The following PTPRT variants were observed in gnomAD, a reference collection of about 807,000 sequenced individuals.
PTPRT encodes the protein receptor-type tyrosine-protein phosphatase T.
In PTPRT, 56 loss-of-function variants were observed where a neutral mutation model predicts 176.8. That is an observed-to-expected ratio of 0.32 (90% CI 0.26 to 0.40). PTPRT has a LOEUF of 0.40. Among genes scored for constraint, PTPRT ranks in the 10% least tolerant of loss-of-function variants. The probability of loss-of-function intolerance (pLI) is 1.00; values close to 1 mark genes in which losing one functional copy is unlikely to be tolerated. For missense variants in PTPRT, 1,540 were observed against 1,908.2 expected, an observed-to-expected ratio of 0.81 and a Z score of 3.60; for synonymous variants, 783 against 739.0, an observed-to-expected ratio of 1.06 and a Z score of -0.96.
chr20:42,603,625 C>T (rs1357009985), intron 7 of PTPRT, among the ~76,000 whole-genome samples: 1 of 152,144 alleles, frequency 6.6e-6, no homozygotes, highest in African/African-American at 2.4e-5. Context: ...AAGTAGGGAA[C>T]TGGCATGATG....
chr20:43,152,817 A>G (rs139480296), intron 1 of PTPRT, among the ~76,000 whole-genome samples: 1 of 152,320 alleles, frequency 6.6e-6, no homozygotes, highest in Non-Finnish European at 1.5e-5. Flanking sequence ...TTAATTACAT[A>G]CTATATATCA....
At chr20:42,150,487 C>T (rs1445075993) in intron 17 of PTPRT, among the ~76,000 whole-genome samples, 1 of 152,208 alleles carries the variant, frequency 6.6e-6, no homozygotes, top group Non-Finnish European at 1.5e-5. Flanking sequence ...CTCCACACCC[C>T]TGTCCAACAC....
At chr20:42,052,954 A>G in the PTPRT span, among the ~76,000 whole-genome samples, 1 of 152,174 alleles carries the variant, frequency 6.6e-6, no homozygotes, top group Non-Finnish European at 1.5e-5. Context: ...GATAGTAAGT[A>G]TTTTAGGCTT....
At chr20:42,572,185 G>A (rs563714252) in intron 7 of PTPRT, among the ~76,000 whole-genome samples, 3 of 152,204 alleles carry the variant, frequency 2.0e-5, no homozygotes, top group Non-Finnish European at 2.9e-5. Context: ...CACTAATCCC[G>A]TTCATGGGGG....
At chr20:42,900,445 T>C (rs2079383541) in intron 1 of PTPRT, among the ~76,000 whole-genome samples, 1 of 152,160 alleles carries the variant, frequency 6.6e-6, no homozygotes, top group Non-Finnish European at 1.5e-5. Context: ...AGTCCTGTCA[T>C]CTCTCTACCC....
chr20:42,277,816 T>A (rs941979348), intron 13 of PTPRT, among the ~76,000 whole-genome samples: 1 of 151,442 alleles, frequency 6.6e-6, no homozygotes, highest in Non-Finnish European at 1.5e-5. Flanking sequence ...AAGAGAACAA[T>A]CCTGACATGT....
intron 15 of PTPRT, among the ~76,000 whole-genome samples, chr20:42,221,819 A>G (rs1229273840): frequency 6.6e-6 from 1 of 152,060 alleles, no homozygotes. Flanking sequence ...ACACCTGGCC[A>G]AAACTGCGAC....
intron 9 of PTPRT, among the ~76,000 whole-genome samples, chr20:42,445,847 A>C (rs1462734694): frequency 6.6e-6 from 1 of 152,140 alleles, no homozygotes; most frequent in Non-Finnish European, 1.5e-5. Flanking sequence ...ACCTGCTCTA[A>C]TCTGTACCCA....
At chr20:42,050,937 T>C in the PTPRT span, among the ~76,000 whole-genome samples, 2 of 152,210 alleles carry the variant, frequency 1.3e-5, no homozygotes, top group Admixed American at 1.3e-4. Flanking sequence ...GCCCTCCCTA[T>C]TGAGAAACAT....
At chr20:42,196,498 T>C (rs1991222799) in intron 16 of PTPRT, among the ~76,000 whole-genome samples, 1 of 152,248 alleles carries the variant, frequency 6.6e-6, no homozygotes, top group African/African-American at 2.4e-5. Context: ...GCTTTAGCTA[T>C]TTGAAAATAT....
chr20:42,882,416 T>C (rs1464714106), intron 2 of PTPRT, among the ~76,000 whole-genome samples: 1 of 152,140 alleles, frequency 6.6e-6, no homozygotes, highest in East Asian at 1.9e-4. Flanking sequence ...AGAAAATTAA[T>C]ATTAGAAGCA....
Position 42,425,799 on chromosome 20 carries a change from A to G in PTPRT, c.1560+22421T>C, listed in dbSNP as rs376921079. Among the ~76,000 whole-genome samples, 10 of 152,318 alleles carry G rather than the reference A, an allele frequency of 6.6e-5. No individual in the cohort carries two copies. In the East Asian group the frequency reaches 1.2e-3, roughly 18 times the overall value. On this transcript the variant is annotated intron_variant, in intron 9 of 30. Coordinates refer to ENST00000373187, the MANE Select transcript of PTPRT (RefSeq NM_007050.6). ...AGAGAGGTAATGACTGAGATGATTG[A>G]GGCAAGCAGACATTATCCCAGCAAA...
intron 7 of PTPRT, among the ~76,000 whole-genome samples, chr20:42,496,403 T>A (rs1239820807): frequency 6.6e-6 from 1 of 152,202 alleles, no homozygotes; most frequent in Non-Finnish European, 1.5e-5. Context: ...GAAGTTTCCA[T>A]GTCCTAAAAG....
intron 13 of PTPRT, among the ~76,000 whole-genome samples, chr20:42,257,636 T>TCCCCCCCCCCCCCCCCCCCCCC (rs1485904252): frequency 3.0e-4 from 2 of 6,650 alleles, no homozygotes; most frequent in African/African-American, 8.1e-4. Flanking sequence ...GTGTAGCACC[T>TCCCCCCCCCCCCCCCCCCCCCC]CCCCCCACCC....
intron 6 of PTPRT, among the ~76,000 whole-genome samples, chr20:42,716,224 A>C (rs2146214064): frequency 6.6e-6 from 1 of 152,208 alleles, no homozygotes. Flanking sequence ...GTGAGCAAAA[A>C]AATAATTGCT....
At chr20:42,555,596 G>C (rs1356718342) in intron 7 of PTPRT, among the ~76,000 whole-genome samples, 1 of 152,080 alleles carries the variant, frequency 6.6e-6, no homozygotes, top group Non-Finnish European at 1.5e-5. Context: ...TATGCATCCC[G>C]GCATCCCGGA....
chr20:42,492,490 C>T (rs1173042721), intron 7 of PTPRT, among the ~76,000 whole-genome samples: 3 of 151,984 alleles, frequency 2.0e-5, no homozygotes, highest in African/African-American at 7.2e-5. Flanking sequence ...TCTGTATATA[C>T]AGGTCATTTG....
At chr20:43,100,613 C>A (rs2012358655) in intron 1 of PTPRT, among the ~76,000 whole-genome samples, 1 of 152,214 alleles carries the variant, frequency 6.6e-6, no homozygotes, top group Admixed American at 6.5e-5. Flanking sequence ...ATAACTATCA[C>A]AAAATGTCTC....
intron 1 of PTPRT, among the ~76,000 whole-genome samples, chr20:42,940,335 G>T (rs571886261): frequency 7.9e-5 from 12 of 152,326 alleles, no homozygotes; most frequent in Admixed American, 2.6e-4. Flanking sequence ...AGCAGCCTTT[G>T]ATGTTGTCAA....
Sources: gnomAD v4.1 joint callset for allele counts (sites outside exome capture counted in the v4.1 genomes callset) on GRCh38, gnomAD v4.1.1 for gene constraint, MANE v1.5 for transcripts, NCBI Gene and HGNC (gene_info 2026-07-23, HGNC 2026-07-21) for gene names.